The following SPTA1 variants were observed in gnomAD, a reference collection of about 807,000 sequenced individuals.
The protein encoded by SPTA1 is spectrin alpha, erythrocytic 1, also known as spectrin alpha chain, erythrocytic 1.
Under a neutral mutation model 324.7 loss-of-function variants are expected in SPTA1, and 177 were observed. That is an observed-to-expected ratio of 0.55 (90% CI 0.48 to 0.62). The LOEUF is 0.62. Ranked by LOEUF, SPTA1 falls within the 20% of genes least tolerant of loss-of-function variation. The pLI, the probability that SPTA1 is intolerant of heterozygous loss-of-function variation, is 0.00. For synonymous variants in SPTA1, 1,195 were observed against 1,041.3 expected (o/e 1.15, Z -2.84); for missense variants, 3,162 against 2,883.6 (o/e 1.10, Z -2.21).
chr1:158,634,618 T>C lies in SPTA1; in HGVS notation c.5490A>G (p.Glu1830=). Residue 1830 remains glutamate, a synonymous_variant, in exon 39 of 52, where the codon GAA becomes GAG. Coordinates refer to ENST00000643759, the MANE Select transcript of SPTA1 (RefSeq NM_003126.4). ...TCTTTTCATTGATCCAAGCTTCCTC[T>C]TCCTCAGCATTCTGCATGAATTGCA... ...EYLQFMQNAE[E]EEAWINEKNA... The C allele has an allele frequency of 6.2e-7, 1 of 1,614,184 alleles. No individual in the cohort carries two copies. The highest frequency in any genetic ancestry group is 8.5e-7 in the Non-Finnish European group (1 of 1,180,034).
rs149318811 is a variant in SPTA1, at chr1:158,648,328, T to A, written c.3714+181A>T. Among the ~76,000 whole-genome samples, 48 of 152,216 alleles carry A rather than the reference T, an allele frequency of 3.2e-4. No homozygotes were observed. The East Asian group carries it at 7.0e-3, about 22-fold the overall frequency. On this transcript the variant is annotated intron_variant, in intron 26 of 51. Coordinates refer to ENST00000643759, the MANE Select transcript of SPTA1 (RefSeq NM_003126.4). ...ACAAGTTTTTTCCCCATGTTAATGG[T>A]CATGGGGCATATCCTTTTCATGGTC...
At chr1:158,620,603 T>C (rs1396058798) in intron 43 of SPTA1, 137 bp from the exon 44 acceptor site, 11 of 1,030,778 alleles carry the variant, frequency 1.1e-5, no homozygotes, top group Middle Eastern at 3.1e-4. Flanking sequence ...CTAAAACCAA[T>C]AGGGACTGTG....
At chr1:158,635,048 A>G (rs1292992686) in intron 38 of SPTA1, among the ~76,000 whole-genome samples, 8 of 150,984 alleles carry the variant, frequency 5.3e-5, no homozygotes, top group African/African-American at 2.0e-4. Flanking sequence ...TGATGAAGAC[A>G]CCACGAAGTG....
At chr1:158,664,583 G>A (rs1001259519) in intron 16 of SPTA1, among the ~76,000 whole-genome samples, 2 of 152,168 alleles carry the variant, frequency 1.3e-5, no homozygotes, top group African/African-American at 4.8e-5. Context: ...AGGTTGATAG[G>A]TGCAGCAAAC....
intron 16 of SPTA1, among the ~76,000 whole-genome samples, chr1:158,665,444 T>C (rs1340813866): frequency 6.6e-6 from 1 of 152,040 alleles, no homozygotes; most frequent in Non-Finnish European, 1.5e-5. Context: ...TAAAGGCAGA[T>C]TAGTGGGATC....
At chr1:158,642,264 C>T in intron 33 of SPTA1, 147 bp downstream of exon 33, 1 of 814,248 alleles carries the variant, frequency 1.2e-6, no homozygotes, top group African/African-American at 1.8e-5. Context: ...ACATATGTAA[C>T]AAACCTGCAC....
intron 13 of SPTA1, 66 bp downstream of exon 13, chr1:158,669,643 T>G: frequency 1.9e-6 from 3 of 1,613,986 alleles, no homozygotes; most frequent in Non-Finnish European, 2.5e-6. Flanking sequence ...CTGGTCACCA[T>G]GCCCACCAAA....
intron 36 of SPTA1, among the ~76,000 whole-genome samples, chr1:158,637,302 GTTT>G (rs1313676283): frequency 6.6e-6 from 1 of 152,108 alleles, no homozygotes; most frequent in Non-Finnish European, 1.5e-5. Context: ...ATCCAAAAAG[GTTT>G]TTAAAACATG....
intron 42 of SPTA1, among the ~76,000 whole-genome samples, chr1:158,623,859 C>T (rs1277302126): frequency 6.6e-6 from 1 of 152,182 alleles, no homozygotes; most frequent in African/African-American, 2.4e-5. Context: ...GACTTTGGAA[C>T]CGGGTAACAG....
intron 38 of SPTA1, among the ~76,000 whole-genome samples, chr1:158,635,711 T>A (rs377669524): frequency 8.5e-4 from 130 of 152,358 alleles, no homozygotes; most frequent in African/African-American, 3.0e-3. Flanking sequence ...GAGGTAGATT[T>A]AGAACAGAGG....
At chr1:158,632,770 T>TC (rs1650774265) in intron 39 of SPTA1, among the ~76,000 whole-genome samples, 1 of 151,984 alleles carries the variant, frequency 6.6e-6, no homozygotes, top group African/African-American at 2.4e-5. Context: ...TTTTTTTTTT[T>TC]TTTTGGTCCA....
Position 158,619,207 on chromosome 1 carries a change from T to C in SPTA1, c.6530+15A>G. On this transcript the variant is annotated intron_variant, in intron 45 of 51. Transcript: ENST00000643759. Reference sequence around the variant, plus strand: ...GTGGCACAGGGGTCATGGTTTGGGATGTAGCATAGCACACCTGGTTTCCAG... The same window carrying C: ...GTGGCACAGGGGTCATGGTTTGGGACGTAGCATAGCACACCTGGTTTCCAG... 1 of 1,611,524 alleles carries C rather than the reference T, an allele frequency of 6.2e-7. No homozygotes were observed.
chr1:158,620,523 G>A lies in SPTA1; in HGVS notation c.6121-57C>T, dbSNP rs550406564. Reference sequence around the variant, plus strand: ...TTCCTGATAAAGCCTCTCAGCAGAAGAGAAGATTGAGGATAAAAATAATGC... The same window carrying A: ...TTCCTGATAAAGCCTCTCAGCAGAAAAGAAGATTGAGGATAAAAATAATGC... On this transcript the variant is annotated intron_variant, in intron 43 of 51. Transcript: ENST00000643759. The A allele has an allele frequency of 5.0e-6, 8 of 1,601,064 alleles. No homozygotes were observed. The South Asian group carries it at 7.8e-5, about 16-fold the overall frequency.
chr1:158,657,717 G>C (rs182257622), intron 18 of SPTA1, 23 bp from the exon 19 acceptor site: 2 of 1,609,484 alleles, frequency 1.2e-6, no homozygotes, highest in Non-Finnish European at 1.7e-6. Flanking sequence ...TATAGAAAAG[G>C]TGAGTATGAT....
chr1:158,674,778 C>T (rs2101925236), intron 8 of SPTA1, 103 bp from the exon 9 acceptor site: 2 of 1,458,888 alleles, frequency 1.4e-6, no homozygotes, highest in Non-Finnish European at 1.9e-6. Flanking sequence ...TGAGATGCTC[C>T]TTACTCTAAT....
chr1:158,639,305 G>T, intron 35 of SPTA1: 1 of 444,232 alleles, frequency 2.3e-6, no homozygotes, highest in Non-Finnish European at 4.1e-6. Flanking sequence ...AAAGACAATT[G>T]GCTTATATGT....
rs1445772656 is a variant in SPTA1, at chr1:158,686,536, A to G, written c.-19T>C. ...GCTCCATTTTTCCTAAAGGTTTAGA[A>G]CCTGGCAAGATAAAATGTGTCAGAG... On this transcript the variant is annotated 5_prime_UTR_variant, in exon 1 of 52. Coordinates refer to ENST00000643759, the MANE Select transcript of SPTA1 (RefSeq NM_003126.4). The G allele has an allele frequency of 1.3e-6, 2 of 1,579,454 alleles. No homozygotes were observed. The highest frequency in any genetic ancestry group is 4.5e-5 in the East Asian group (2 of 44,302).
Position 158,618,393 on chromosome 1 carries a change from T to G in SPTA1, c.6531-337A>C, listed in dbSNP as rs532277880. Among the ~76,000 whole-genome samples, 11 of 152,310 alleles carry G rather than the reference T, an allele frequency of 7.2e-5. 2 individuals carry two copies. In the South Asian group the frequency reaches 2.3e-3, roughly 32 times the overall value. ...CTTCTCTGCCTTCTGTCAGATGGTT[T>G]AGACATGGTATAGGATTTCTTTTTG... On this transcript the variant is annotated intron_variant, in intron 45 of 51. Transcript: ENST00000643759.
chr1:158,669,327 A>C (rs1452379814), intron 14 of SPTA1, 81 bp downstream of exon 14: 1 of 1,593,392 alleles, frequency 6.3e-7, no homozygotes, highest in Non-Finnish European at 8.6e-7. Flanking sequence ...CTGAACGCTA[A>C]AGTTCATTTT....
Sources: gnomAD v4.1 joint callset for allele counts (sites outside exome capture counted in the v4.1 genomes callset) on GRCh38, gnomAD v4.1.1 for gene constraint, MANE v1.5 for transcripts, NCBI Gene and HGNC (gene_info 2026-07-23, HGNC 2026-07-21) for gene names.